The following ATRNL1 variants were observed in gnomAD, a reference collection of about 807,000 sequenced individuals.
ATRNL1 encodes attractin like 1, also known as attractin-like protein 1.
In ATRNL1, 95 loss-of-function variants were observed where a neutral mutation model predicts 182.7. The ratio of observed to expected loss-of-function variants is 0.52; its 90% confidence interval spans 0.44 to 0.62. ATRNL1 has a LOEUF of 0.62. ATRNL1 is among the 20% of genes least tolerant of loss of function. ATRNL1 has a pLI of 0.00. For synonymous variants in ATRNL1, 576 were observed against 568.3 expected, an observed-to-expected ratio of 1.01 and a Z score of -0.19; for missense variants, 1,471 against 1,679.5, an observed-to-expected ratio of 0.88 and a Z score of 2.17.
rs185389725 is a variant in ATRNL1, at chr10:115,572,403, C to G, written c.3795+22867C>G. On this transcript the variant is annotated intron_variant, in intron 26 of 28. Coordinates refer to ENST00000355044, the MANE Select transcript of ATRNL1 (RefSeq NM_207303.4). ...TTGTTTTTGAGGTCAAATATATTGT[C>G]ACTGCTGATAGATTGGATGCAACGG... Among the ~76,000 whole-genome samples, 4 of 152,006 alleles carry G rather than the reference C, an allele frequency of 2.6e-5. No individual in the cohort carries two copies. In the East Asian group the frequency reaches 7.7e-4, roughly 29 times the overall value.
intron 21 of ATRNL1, among the ~76,000 whole-genome samples, chr10:115,451,023 G>A (rs937587682): frequency 6.6e-6 from 1 of 152,236 alleles, no homozygotes; most frequent in Admixed American, 6.5e-5. Context: ...AAGCAATGAA[G>A]ACTCCCTTTT....
chr10:115,848,908 A>G (rs535785730), intron 28 of ATRNL1, among the ~76,000 whole-genome samples: 8 of 152,302 alleles, frequency 5.3e-5, no homozygotes, highest in Non-Finnish European at 1.0e-4. Flanking sequence ...CAAGTTCTCA[A>G]TAACAGTAAT....
intron 25 of ATRNL1, among the ~76,000 whole-genome samples, chr10:115,545,191 C>T (rs567490860): frequency 1.4e-4 from 20 of 139,966 alleles, no homozygotes; most frequent in African/African-American, 5.3e-4. Flanking sequence ...GCCAAGATCA[C>T]GCCACTGCAC....
Position 115,120,240 on chromosome 10 carries a change from A to G in ATRNL1, c.349A>G (p.Thr117Ala). The G allele has an allele frequency of 1.9e-6, 3 of 1,575,028 alleles. No homozygotes were observed. The highest frequency in any genetic ancestry group is 2.6e-6 in the Non-Finnish European group (3 of 1,147,978). The change falls in exon 2 of 29, where the codon ACT becomes GCT. Residue 117 changes from threonine to alanine, a missense_variant. Transcript: ENST00000355044. ...TGGCCCAATTAACTATAAATATAAA[A>G]CTAAATGTACTTGGCTCATTGAAGG... Reference protein sequence around the residue: ...TDGPINYKYKTKCTWLIEGYP... With the variant: ...TDGPINYKYKAKCTWLIEGYP...
In ATRNL1 at chr10:115,905,387, A is replaced by ATT. The variant is rs112510400; in HGVS notation, c.4019-39256_4019-39255dup. Among the ~76,000 whole-genome samples the ATT allele has an allele frequency of 4.3e-3, 614 of 142,366 alleles. 4 individuals are homozygous for ATT. Among genetic ancestry groups the ATT allele is most frequent in the African/African-American group, 0.013 (501 of 38,572 alleles). 93.4% of individuals were successfully genotyped at this position (142,366 alleles called of 152,430 possible). A position where few individuals can be genotyped will look rare whatever the true frequency, so the allele number is the denominator to read the frequency against. ...ATGCCTATACCACCACACCCAGCTA[A>ATT]TTTTTTTTTTTTTTTTAAGTTTTGT... On this transcript the variant is annotated intron_variant, in intron 28 of 28. Coordinates refer to ENST00000355044, the MANE Select transcript of ATRNL1 (RefSeq NM_207303.4).
intron 27 of ATRNL1, among the ~76,000 whole-genome samples, chr10:115,843,620 C>T (rs1378909186): frequency 7.2e-5 from 11 of 151,958 alleles, no homozygotes; most frequent in African/African-American, 2.7e-4. Flanking sequence ...AGTTGTTGAA[C>T]AGTTATTAAT....
chr10:115,405,622 G>A (rs1253094238), intron 20 of ATRNL1, among the ~76,000 whole-genome samples: 1 of 152,028 alleles, frequency 6.6e-6, no homozygotes, highest in African/African-American at 2.4e-5. Context: ...TAGCTGTAAT[G>A]TGATCCTATT....
intron 8 of ATRNL1, among the ~76,000 whole-genome samples, chr10:115,193,642 C>T (rs1554890374): frequency 2.0e-5 from 3 of 151,064 alleles, no homozygotes; most frequent in African/African-American, 7.3e-5. Flanking sequence ...TCTATATTTT[C>T]ATCTTTTCAA....
chr10:115,514,872 C>T (rs1193944384), intron 24 of ATRNL1, among the ~76,000 whole-genome samples: 1 of 151,920 alleles, frequency 6.6e-6, no homozygotes, highest in Non-Finnish European at 1.5e-5. Flanking sequence ...TTTTCCATCT[C>T]AGTTCCTTTC....
chr10:115,346,257 A>G (rs2134108802), intron 19 of ATRNL1, among the ~76,000 whole-genome samples: 1 of 152,162 alleles, frequency 6.6e-6, no homozygotes, highest in African/African-American at 2.4e-5. Context: ...AAAAATAGCT[A>G]CCCACTCCCC....
intron 24 of ATRNL1, among the ~76,000 whole-genome samples, chr10:115,477,212 A>C (rs1377552108): frequency 1.3e-5 from 2 of 151,550 alleles, no homozygotes; most frequent in Non-Finnish European, 3.0e-5. Flanking sequence ...TTTTATAGTA[A>C]GTTGTTTTGT....
intron 26 of ATRNL1, among the ~76,000 whole-genome samples, chr10:115,655,592 T>C (rs1281083934): frequency 1.3e-5 from 2 of 152,200 alleles, no homozygotes; most frequent in Admixed American, 1.3e-4. Flanking sequence ...GGCTTACTTT[T>C]ACCTTTTGGG....
At chr10:115,929,285 A>C (rs2134587662) in intron 28 of ATRNL1, among the ~76,000 whole-genome samples, 1 of 152,226 alleles carries the variant, frequency 6.6e-6, no homozygotes, top group Middle Eastern at 3.4e-3. Flanking sequence ...TTTAACATCA[A>C]AATTTGCAAG....
At chr10:115,942,123 A>G (rs1372169413) in intron 28 of ATRNL1, among the ~76,000 whole-genome samples, 1 of 152,106 alleles carries the variant, frequency 6.6e-6, no homozygotes, top group Non-Finnish European at 1.5e-5. Context: ...CTTCTCCACA[A>G]ATCTCTTCTG....
intron 26 of ATRNL1, among the ~76,000 whole-genome samples, chr10:115,561,220 A>T (rs1853685682): frequency 6.6e-6 from 1 of 152,228 alleles, no homozygotes; most frequent in Admixed American, 6.5e-5. Context: ...CCAGAATGGG[A>T]GAACACTTTT....
chr10:115,318,166 T>C (rs1260831433), intron 18 of ATRNL1, among the ~76,000 whole-genome samples: 1 of 152,190 alleles, frequency 6.6e-6, no homozygotes, highest in Non-Finnish European at 1.5e-5. Context: ...ACTTTTTGGC[T>C]TTGGTTCTGT....
chr10:115,878,265 A>G (rs1951743483), intron 28 of ATRNL1, among the ~76,000 whole-genome samples: 1 of 152,252 alleles, frequency 6.6e-6, no homozygotes, highest in African/African-American at 2.4e-5. Flanking sequence ...CTTCATTCCA[A>G]CCAACCTAAA....
chr10:115,373,211 A>G (rs2134204156), intron 19 of ATRNL1, among the ~76,000 whole-genome samples: 1 of 152,074 alleles, frequency 6.6e-6, no homozygotes, highest in East Asian at 1.9e-4. Flanking sequence ...TTGTATGTTC[A>G]TTTTGTATCC....
intron 10 of ATRNL1, among the ~76,000 whole-genome samples, chr10:115,251,039 C>A (rs566812409): frequency 2.0e-5 from 3 of 152,246 alleles, no homozygotes; most frequent in Admixed American, 6.5e-5. Context: ...TGATAGTTAG[C>A]AAAGAACACA....
Sources: allele counts gnomAD v4.1 joint callset (sites outside exome capture counted in the v4.1 genomes callset), GRCh38; gene constraint gnomAD v4.1.1; transcripts MANE v1.5; gene names NCBI Gene and HGNC (gene_info 2026-07-23, HGNC 2026-07-21).